The following LRGUK variants were observed in gnomAD, a reference collection of about 807,000 sequenced individuals.
LRGUK encodes leucine-rich repeat and guanylate kinase domain-containing protein.
A neutral mutation model predicts 76.0 loss-of-function variants in LRGUK; 65 were observed. That is an observed-to-expected ratio of 0.85 (90% confidence interval 0.70 to 1.05). The LOEUF is 1.05. Among genes scored for constraint, LRGUK ranks in the 50% least tolerant of loss-of-function variants. LRGUK has a pLI of 0.00. For missense variants in LRGUK, 758 were observed against 732.8 expected, an observed-to-expected ratio of 1.03 and a Z score of -0.40; for synonymous variants, 268 against 265.6, an observed-to-expected ratio of 1.01 and a Z score of -0.09.
chr7:134,184,780 C>T (rs1318954470), intron 11 of LRGUK, among the ~76,000 whole-genome samples: 2 of 152,116 alleles, frequency 1.3e-5, no homozygotes, highest in Non-Finnish European at 2.9e-5. Flanking sequence ...TTTAATTTTC[C>T]AAATGCTTAA....
At chr7:134,240,866 T>C (rs1802133189) in intron 16 of LRGUK, among the ~76,000 whole-genome samples, 1 of 152,090 alleles carries the variant, frequency 6.6e-6, no homozygotes, top group South Asian at 2.1e-4. Flanking sequence ...CAGCAGAAAC[T>C]CTACAAGCCA....
Position 134,241,683 on chromosome 7 carries a change from C to T in LRGUK, c.1984-5873C>T, listed in dbSNP as rs1380685219. On this transcript the variant is annotated intron_variant, in intron 16 of 19. Coordinates refer to the LRGUK transcript ENST00000285928. ...TTAACAGGGATATCCAGGAATTGAA[C>T]TCAGCTCTGCACCAAGCAGACCTAA... is the stretch of plus-strand genomic sequence containing the variant. Among the ~76,000 whole-genome samples, 10 of 152,288 alleles carry T rather than the reference C, an allele frequency of 6.6e-5. No individual in the cohort carries two copies. The South Asian group carries it at 2.1e-3, about 32-fold the overall frequency.
chr7:134,156,346 A>G (rs1288404299), intron 5 of LRGUK, among the ~76,000 whole-genome samples: 1 of 152,106 alleles, frequency 6.6e-6, no homozygotes, highest in East Asian at 1.9e-4. Context: ...GTCTGCTAGT[A>G]TATATTGTGA....
intron 15 of LRGUK, among the ~76,000 whole-genome samples, chr7:134,204,811 G>A (rs1156523351): frequency 6.6e-6 from 1 of 152,154 alleles, no homozygotes; most frequent in Non-Finnish European, 1.5e-5. Flanking sequence ...CTGTGAAGAA[G>A]GTGCCAAGGA....
intron 16 of LRGUK, among the ~76,000 whole-genome samples, chr7:134,239,150 G>A (rs1802076317): frequency 1.3e-5 from 2 of 152,192 alleles, no homozygotes; most frequent in African/African-American, 2.4e-5. Context: ...CAGCATGAGC[G>A]ACACAGAAGA....
rs542101256 is a variant in LRGUK, at chr7:134,222,757, C to T, written c.1983+839C>T. Among the ~76,000 whole-genome samples, 3 of 152,080 alleles carry T rather than the reference C, an allele frequency of 2.0e-5. No homozygotes were observed. In the East Asian group the frequency reaches 5.8e-4, roughly 29 times the overall value. Reference sequence around the variant, plus strand: ...CCGAGTAGCTGGGATTACAGGCATGCGCCACCATGCCTAGCTAATTTTGTA... The same window carrying T: ...CCGAGTAGCTGGGATTACAGGCATGTGCCACCATGCCTAGCTAATTTTGTA... On this transcript the variant is annotated intron_variant, in intron 16 of 19. Coordinates refer to the LRGUK transcript ENST00000285928.
chr7:134,218,842 AG>A (rs1177496592), intron 15 of LRGUK, among the ~76,000 whole-genome samples: 1 of 152,224 alleles, frequency 6.6e-6, no homozygotes, highest in Admixed American at 6.5e-5. Context: ...AAAAGATCTA[AG>A]CCATTTAGAA....
chr7:134,157,745 G>C (rs1006482221), intron 5 of LRGUK, among the ~76,000 whole-genome samples: 1 of 152,088 alleles, frequency 6.6e-6, no homozygotes, highest in South Asian at 2.1e-4. Context: ...GGATGGTCTC[G>C]ATCTCCTGAC....
At chr7:134,140,714 G>A (rs1009826342) in intron 3 of LRGUK, among the ~76,000 whole-genome samples, 3 of 151,892 alleles carry the variant, frequency 2.0e-5, no homozygotes, top group Admixed American at 6.6e-5. Context: ...CCCTAATAAA[G>A]TCCACTTTTT....
rs540923773 is a variant in LRGUK at position 134,127,589 on chromosome 7, G to A, written c.222G>A (p.Ser74=). 5 of 1,614,178 alleles carry A rather than the reference G, an allele frequency of 3.1e-6. No homozygotes were observed. The South Asian group carries it at 5.5e-5, about 18-fold the overall frequency. Residue 74 remains serine (S), a synonymous_variant, in exon 1 of 16, where the codon TCG becomes TCA. Transcript: ENST00000645682. ...TGCACCGCTATCAGGAGCTGGACTC[G>A]GACGGAGATGAGGACCAGGGCGAGG...
rs1799616128 is a variant in LRGUK, at chr7:134,178,934, A to AAAAAAAAAAAAAAAC, written c.1214+326_1214+340dup. Among the ~76,000 whole-genome samples the AAAAAAAAAAAAAAAC allele has an allele frequency of 1.4e-4, 11 of 78,164 alleles. 1 individual carries two copies. Among genetic ancestry groups the AAAAAAAAAAAAAAAC allele is most frequent in the Middle Eastern group, 0.032 (2 of 62 alleles). 51.3% of individuals were successfully genotyped at this position (78,164 alleles called of 152,430 possible). A position where few individuals can be genotyped will look rare whatever the true frequency, so the allele number is the denominator to read the frequency against. On this transcript the variant is annotated intron_variant, in intron 10 of 15. Coordinates refer to ENST00000645682, the Ensembl canonical transcript of LRGUK. ...ACACAACAGTGAAATCTCAAAAAAA[A>AAAAAAAAAAAAAAAC]AAAAAAAAAAAAAACCAGGACCAAT...
rs192170449 is a variant in LRGUK, at chr7:134,144,430, C to T, written c.588+1268C>T. Among the ~76,000 whole-genome samples the T allele has an allele frequency of 4.5e-4, 69 of 152,302 alleles. 1 individual carries two copies. The East Asian group carries it at 0.011, about 23-fold the overall frequency. ...CTAGGATTACAGGTGTAAGCCACCACGCCTGGCCTGGACTTTTAAAGAGAC... is the reference window on the plus strand; with the variant it reads ...CTAGGATTACAGGTGTAAGCCACCATGCCTGGCCTGGACTTTTAAAGAGAC... On this transcript the variant is annotated intron_variant, in intron 4 of 15. Transcript: ENST00000645682.
chr7:134,268,281 TA>T (rs1802896948), downstream of LRGUK, among the ~76,000 whole-genome samples: 2 of 152,060 alleles, frequency 1.3e-5, no homozygotes, highest in African/African-American at 4.8e-5. Flanking sequence ...ATAAATGAAA[TA>T]GGGGATGAAA....
intron 18 of LRGUK, among the ~76,000 whole-genome samples, chr7:134,252,113 T>C (rs1211382957): frequency 6.6e-6 from 1 of 151,688 alleles, no homozygotes; most frequent in African/African-American, 2.4e-5. Flanking sequence ...GTAGAAGGAT[T>C]GGATCATTTG....
intron 2 of LRGUK, among the ~76,000 whole-genome samples, chr7:134,138,932 G>T (rs944034435): frequency 6.6e-6 from 1 of 152,132 alleles, no homozygotes; most frequent in South Asian, 2.1e-4. Flanking sequence ...CTGCCCTACA[G>T]ATTTCACAGG....
Position 134,137,020 on chromosome 7 carries a change from C to T in LRGUK, c.298-3C>T, listed in dbSNP as rs1181732094. On this transcript the variant is annotated splice_region_variant and splice_polypyrimidine_tract_variant and intron_variant, in intron 1 of 15. Transcript: ENST00000645682. ...TTTGTCTACCTTTCTGGGTTTTTTA[C>T]AGGAGGAATTTGATGGGGTCCTGAG... 3.1e-6 allele frequency: 5 copies of T among 1,608,736 alleles called. No homozygotes were observed. Among genetic ancestry groups the T allele is most frequent in the Non-Finnish European group, 4.3e-6 (5 of 1,176,172 alleles).
chr7:134,157,630 A>G (rs6467519), intron 5 of LRGUK, among the ~76,000 whole-genome samples: 1 of 152,124 alleles, frequency 6.6e-6, no homozygotes, highest in African/African-American at 2.4e-5. Flanking sequence ...TCACGCCGTT[A>G]TCCTGCCTCA....
chr7:134,253,068 C>G (rs887790566), intron 18 of LRGUK, among the ~76,000 whole-genome samples: 2 of 152,158 alleles, frequency 1.3e-5, no homozygotes, highest in African/African-American at 4.8e-5. Flanking sequence ...GGAGTGTGAA[C>G]AAGTGGAGTT....
intron 16 of LRGUK, among the ~76,000 whole-genome samples, chr7:134,225,852 C>T (rs940146725): frequency 2.0e-5 from 3 of 152,114 alleles, no homozygotes; most frequent in African/African-American, 7.2e-5. Flanking sequence ...CAGAAGATTC[C>T]GTGAGACATT....
Sources: gnomAD v4.1 joint callset for allele counts (sites outside exome capture counted in the v4.1 genomes callset) on GRCh38, gnomAD v4.1.1 for gene constraint, MANE v1.5 for transcripts, NCBI Gene and HGNC (gene_info 2026-07-23, HGNC 2026-07-21) for gene names.